The following ABLIM2 variants were observed in gnomAD, a reference collection of about 807,000 sequenced individuals.
ABLIM2 encodes actin-binding LIM protein 2.
In ABLIM2, 53 loss-of-function variants were observed where a neutral mutation model predicts 97.7. That is an observed-to-expected ratio of 0.54 (90% CI 0.44 to 0.68). The LOEUF (loss-of-function observed/expected upper bound fraction) is 0.68, where lower values mean the gene tolerates loss of function less well. ABLIM2 is among the 30% of genes least tolerant of loss of function. The probability of loss-of-function intolerance (pLI) is 0.00; values close to 1 mark genes in which losing one functional copy is unlikely to be tolerated. For missense variants in ABLIM2, 835 were observed against 867.2 expected (o/e 0.96, Z 0.47); for synonymous variants, 361 against 345.8 (o/e 1.04, Z -0.49).
chr4:7,985,550 A>C (rs1414676774), intron 17 of ABLIM2, among the ~76,000 whole-genome samples: 1 of 152,198 alleles, frequency 6.6e-6, no homozygotes, highest in East Asian at 1.9e-4. Flanking sequence ...CAAATGCTCC[A>C]AAATGAGGGG....
chr4:8,114,731 A>G (rs573771015), intron 1 of ABLIM2, among the ~76,000 whole-genome samples: 29 of 152,294 alleles, frequency 1.9e-4, no homozygotes, highest in African/African-American at 5.8e-4. Flanking sequence ...CCCATTAAGC[A>G]AAGATGCACT....
chr4:7,997,375 T>C (rs1754016418), intron 16 of ABLIM2, among the ~76,000 whole-genome samples: 1 of 152,164 alleles, frequency 6.6e-6, no homozygotes, highest in African/African-American at 2.4e-5. Flanking sequence ...CAGCCGCTAT[T>C]ATTTCTTTGA....
rs867494963 is a variant in ABLIM2 at position 8,143,168 on chromosome 4, G to C, written c.10+15512C>G. 1.8e-4 allele frequency among the ~76,000 whole-genome samples: 27 copies of C among 149,296 alleles called. 2 individuals carry two copies. Among genetic ancestry groups the C allele is most frequent in the African/African-American group, 5.9e-4 (24 of 40,560 alleles). On this transcript the variant is annotated intron_variant, in intron 1 of 20. Coordinates refer to ENST00000447017, the MANE Select transcript of ABLIM2 (RefSeq NM_001130083.2). Reference sequence around the variant, plus strand: ...GGAGCGGGGGCGAGAGTGGGGGGGGGGGGCGTCTGCAAATGCATCTCCTGG... The same window carrying C: ...GGAGCGGGGGCGAGAGTGGGGGGGGCGGGCGTCTGCAAATGCATCTCCTGG...
intron 1 of ABLIM2, among the ~76,000 whole-genome samples, chr4:8,126,957 C>G (rs531506121): frequency 6.6e-6 from 1 of 151,906 alleles, no homozygotes; most frequent in Non-Finnish European, 1.5e-5. Context: ...TTTCAGCTAC[C>G]CGGGAGGCTG....
rs1305041376 is a variant in ABLIM2, at chr4:8,087,725, ACATTAGATGGGAAAGCAGCAGTGGG to A, written c.454+419_454+443del. Reference sequence around the variant, plus strand: ...GCATTAGATGGGAAAGCAGCAGTGGACATTAGATGGGAAAGCAGCAGTGGGCATTAGATGGGAAAGCAGCAGTGGG... The same window carrying A: ...GCATTAGATGGGAAAGCAGCAGTGGACATTAGATGGGAAAGCAGCAGTGGG... On this transcript the variant is annotated intron_variant, in intron 4 of 20. Coordinates refer to ENST00000447017, the MANE Select transcript of ABLIM2 (RefSeq NM_001130083.2). This position sits in a 1 kb window ranked among gnomAD's most constrained non-coding sequence, Gnocchi z 4.6. 1.1e-3 allele frequency among the ~76,000 whole-genome samples: 164 copies of A among 151,370 alleles called. 1 individual carries two copies. Among genetic ancestry groups the A allele is most frequent in the Non-Finnish European group, 1.6e-3 (109 of 67,752 alleles).
rs1452631332 is a variant in ABLIM2, at chr4:8,023,471, G to A, written c.1268-3168C>T. Among the ~76,000 whole-genome samples the A allele has an allele frequency of 6.6e-6, 1 of 152,254 alleles. No individual in the cohort carries two copies. Among genetic ancestry groups the A allele is most frequent in the Non-Finnish European group, 1.5e-5 (1 of 68,052 alleles). On this transcript the variant is annotated intron_variant, in intron 12 of 20. Transcript: ENST00000447017. This position sits in a 1 kb window ranked among gnomAD's most constrained non-coding sequence, Gnocchi z 5.7. ...GGGTTGAGAAGGAAGCCCATGAGGT[G>A]AAGTGTCCTCACCACATCCTATCAA... is the stretch of plus-strand genomic sequence containing the variant.
intron 2 of ABLIM2, among the ~76,000 whole-genome samples, chr4:8,100,312 G>A (rs1245576743): frequency 1.3e-5 from 2 of 152,126 alleles, no homozygotes; most frequent in African/African-American, 4.8e-5. Context: ...TTAGAGTCAG[G>A]CAGCCTGGGC....
chr4:8,145,862 A>T (rs1851720303), intron 1 of ABLIM2, among the ~76,000 whole-genome samples: 1 of 151,960 alleles, frequency 6.6e-6, no homozygotes, highest in South Asian at 2.1e-4. Context: ...ACCTCTCAAA[A>T]TAGAGTATCT....
chr4:8,064,142 C>A (rs1045380454), intron 6 of ABLIM2, among the ~76,000 whole-genome samples: 2 of 152,252 alleles, frequency 1.3e-5, no homozygotes, highest in Non-Finnish European at 2.9e-5. Flanking sequence ...CTCGCCATTG[C>A]TCCACAAGCG....
At position 7,996,011 on chromosome 4, in the gene ABLIM2, G is replaced by A. The variant is rs1315136278; in HGVS notation, c.1619-3084C>T. On this transcript the variant is annotated intron_variant, in intron 16 of 20. Coordinates refer to ENST00000447017, the MANE Select transcript of ABLIM2 (RefSeq NM_001130083.2). This position sits in a 1 kb window ranked among gnomAD's most constrained non-coding sequence, Gnocchi z 4.5. ...AGGCCTCCTGCCTTGCAGTCCTGGG[G>A]TCCTCCAGGAGACACCTTCCTCCTC... is the stretch of plus-strand genomic sequence containing the variant. Among the ~76,000 whole-genome samples the A allele has an allele frequency of 6.6e-6, 1 of 152,122 alleles. No individual in the cohort carries two copies. The highest frequency in any genetic ancestry group is 1.5e-5 in the Non-Finnish European group (1 of 68,012).
At chr4:8,151,679 C>G (rs1712840578) in intron 1 of ABLIM2, among the ~76,000 whole-genome samples, 1 of 152,132 alleles carries the variant, frequency 6.6e-6, no homozygotes, top group South Asian at 2.1e-4. Flanking sequence ...CCGAGGATGG[C>G]AGTGGCCCTG....
chr4:8,129,983 G>C (rs1424543239), intron 1 of ABLIM2, among the ~76,000 whole-genome samples: 3 of 152,244 alleles, frequency 2.0e-5, no homozygotes, highest in African/African-American at 4.8e-5. Flanking sequence ...CCAGGCTTCT[G>C]CTAGTCAGCA....
rs1379021312 is a variant in ABLIM2, at chr4:8,155,643, GA to G, written c.10+3036del. ...GTACTCCAGGATGTGACTATGCATGGAGACAGGACCTTTAAGGAGACCACTA... is the reference window on the plus strand; with the variant it reads ...GTACTCCAGGATGTGACTATGCATGGGACAGGACCTTTAAGGAGACCACTA... On this transcript the variant is annotated intron_variant, in intron 1 of 20. Transcript: ENST00000447017. This position sits in a 1 kb window ranked among gnomAD's most constrained non-coding sequence, Gnocchi z 4.2. 6.6e-6 allele frequency among the ~76,000 whole-genome samples: 1 copy of G among 152,214 alleles called. No homozygotes were observed. The highest frequency in any genetic ancestry group is 2.4e-5 in the African/African-American group (1 of 41,446).
In ABLIM2 at chr4:8,124,751, G is replaced by C. The variant is rs568243980; in HGVS notation, c.11-18114C>G. Among the ~76,000 whole-genome samples, 1 of 152,292 alleles carries C rather than the reference G, an allele frequency of 6.6e-6. No individual in the cohort carries two copies. Among genetic ancestry groups the C allele is most frequent in the East Asian group, 1.9e-4 (1 of 5,188 alleles). On this transcript the variant is annotated intron_variant, in intron 1 of 20. Transcript: ENST00000447017. The surrounding 1 kb of genome is among the most constrained non-coding windows in gnomAD (Gnocchi z 6.1). The stretch of plus-strand genomic sequence containing the variant: ...TGAATATTCGTGTGGACATAGGTTT[G>C]CATGCTTTTTGGGTAGATACCCAGG...
chr4:8,039,872 C>CTATTTT (rs1787025333), intron 9 of ABLIM2, among the ~76,000 whole-genome samples: 1 of 90,050 alleles, frequency 1.1e-5, no homozygotes, highest in Non-Finnish European at 2.2e-5. Flanking sequence ...GTGCTGATTA[C>CTATTTT]TGTTTTTTTT....
rs1792199675 is a variant in ABLIM2, at chr4:8,046,092, CCTGGCCTTTTTG to C, written c.823-863_823-852del. Among the ~76,000 whole-genome samples the C allele has an allele frequency of 6.6e-6, 1 of 152,166 alleles. No individual in the cohort carries two copies. The highest frequency in any genetic ancestry group is 6.5e-5 in the Admixed American group (1 of 15,276). ...CTCCCAACTGCACCTGTGGGCTTGT[CCTGGCCTTTTTG>C]CTGCTGTCACGCCTGGGACCTGTGT... On this transcript the variant is annotated intron_variant, in intron 8 of 20. Coordinates refer to ENST00000447017, the MANE Select transcript of ABLIM2 (RefSeq NM_001130083.2). The surrounding 1 kb of genome is among the most constrained non-coding windows in gnomAD (Gnocchi z 4.4).
intron 16 of ABLIM2, among the ~76,000 whole-genome samples, chr4:7,993,262 G>A (rs1377598283): frequency 1.3e-5 from 2 of 152,242 alleles, no homozygotes; most frequent in Admixed American, 1.3e-4. Context: ...CAGGGGAGCT[G>A]AGCAGAGTCA....
chr4:8,128,186 G>A lies in ABLIM2; in HGVS notation c.11-21549C>T, dbSNP rs1481457248. ...CCCACCTTCACAGGCCGTCTTCCCT[G>A]TGTGTCTCTGCGTGTCCTTTTTAGT... On this transcript the variant is annotated intron_variant, in intron 1 of 20. Coordinates refer to ENST00000447017, the MANE Select transcript of ABLIM2 (RefSeq NM_001130083.2). The surrounding 1 kb of genome is among the most constrained non-coding windows in gnomAD (Gnocchi z 4.9). Among the ~76,000 whole-genome samples, 2 of 152,186 alleles carry A rather than the reference G, an allele frequency of 1.3e-5. No homozygotes were observed. The highest frequency in any genetic ancestry group is 4.8e-5 in the African/African-American group (2 of 41,446).
At chr4:8,051,041 C>T (rs1179457832) in intron 8 of ABLIM2, among the ~76,000 whole-genome samples, 3 of 152,272 alleles carry the variant, frequency 2.0e-5, no homozygotes, top group Non-Finnish European at 2.9e-5. Flanking sequence ...ACCCGGAGGT[C>T]AGCACGGGCT....
Sources: allele counts gnomAD v4.1 joint callset (sites outside exome capture counted in the v4.1 genomes callset), GRCh38; gene constraint gnomAD v4.1.1; non-coding constraint Gnocchi (gnomAD v3.1); transcripts MANE v1.5; gene names NCBI Gene and HGNC (gene_info 2026-07-23, HGNC 2026-07-21).